Variants in SPINK13 observed in about 807,000 individuals in gnomAD.
SPINK13 encodes serine peptidase inhibitor Kazal type 13, also known as serine protease inhibitor Kazal-type 13.
A neutral mutation model predicts 11.0 loss-of-function variants in SPINK13; 11 were observed. The observed-to-expected ratio is 1.00, with a 90% CI of 0.63 to 1.65. The LOEUF is 1.65. Ranked by LOEUF, SPINK13 falls within the 40% of genes most tolerant of loss-of-function variation. The probability of loss-of-function intolerance (pLI) is 0.00; values close to 1 mark genes in which losing one functional copy is unlikely to be tolerated. For missense variants in SPINK13, 113 were observed against 117.7 expected (o/e 0.96, Z 0.19); for synonymous variants, 31 against 35.6 (o/e 0.87, Z 0.46).
At chr5:148,277,424 A>G (rs1756446679) in intron 3 of SPINK13, among the ~76,000 whole-genome samples, 1 of 152,144 alleles carries the variant, frequency 6.6e-6, no homozygotes, top group Non-Finnish European at 1.5e-5. Context: ...TGTCATAAAT[A>G]GCTCTTATTA....
intron 4 of SPINK13, 147 bp downstream of exon 4, chr5:148,282,378 C>T (rs1393438519): frequency 1.0e-6 from 1 of 956,096 alleles, no homozygotes; most frequent in Non-Finnish European, 1.5e-6. Flanking sequence ...GGACAGACTA[C>T]AGAGAGAGTG....
rs543238856 is a variant in SPINK13 at position 148,276,995 on chromosome 5, C to G, written c.108+2611C>G. On this transcript the variant is annotated intron_variant, in intron 3 of 4. Transcript: ENST00000398450. ...TCTCCTTGAAGAGGTCCTTCACATC[C>G]CTTGTAAGTTGTATTCCTAGGTATT... Among the ~76,000 whole-genome samples the G allele has an allele frequency of 4.9e-4, 75 of 152,214 alleles. No homozygotes were observed. In the Middle Eastern group the frequency reaches 0.01, roughly 21 times the overall value.
intron 3 of SPINK13, among the ~76,000 whole-genome samples, chr5:148,280,131 A>T (rs772202417): frequency 6.6e-6 from 1 of 152,030 alleles, no homozygotes; most frequent in Non-Finnish European, 1.5e-5. Context: ...TTTCATCTTC[A>T]TCAAGTCATT....
chr5:148,274,222 A>T, intron 2 of SPINK13, 125 bp from the exon 3 acceptor site: 1 of 583,384 alleles, frequency 1.7e-6, no homozygotes, highest in Admixed American at 2.9e-5. Flanking sequence ...ATTGCTATTA[A>T]AATTCTTTTG....
In SPINK13 at chr5:148,282,108, G is replaced by T; in HGVS notation, c.113G>T (p.Arg38Leu). 1 of 1,614,012 alleles carries T rather than the reference G, an allele frequency of 6.2e-7. No homozygotes were observed. Among genetic ancestry groups the T allele is most frequent in the Non-Finnish European group, 8.5e-7 (1 of 1,179,928 alleles). ...KRDFTRWPKP[R>L]CKMYIPLDPD... is the part of the protein sequence containing the mutation. ...TATGGTGTCATGTATTTGCAGCCCC[G>T]ATGTAAAATGTATATCCCACTGGAC... The change falls in exon 4 of 5, where the codon CGA becomes CTA. Residue 38 changes from arginine to leucine, a missense_variant. By Grantham distance (102) the Arg-to-Leu change is moderately radical. Transcript: ENST00000398450.
intron 3 of SPINK13, among the ~76,000 whole-genome samples, chr5:148,275,952 C>T (rs533389764): frequency 5.3e-5 from 8 of 152,158 alleles, no homozygotes; most frequent in African/African-American, 1.7e-4. Context: ...TGAGCCACTG[C>T]GCCCGACCTG....
intron 3 of SPINK13, among the ~76,000 whole-genome samples, chr5:148,276,145 GT>G (rs1161793795): frequency 1.3e-5 from 2 of 151,818 alleles, no homozygotes; most frequent in Non-Finnish European, 2.9e-5. Context: ...TGATGAGGTT[GT>G]TTTTTTCTTA....
chr5:148,284,326 T>C (rs1334574804), intron 4 of SPINK13, among the ~76,000 whole-genome samples: 4 of 151,672 alleles, frequency 2.6e-5, no homozygotes. Context: ...TTCCTCCCTC[T>C]CTCCCTCTTT....
At chr5:148,281,890 A>G (rs1285368355) in intron 3 of SPINK13, among the ~76,000 whole-genome samples, 1 of 152,218 alleles carries the variant, frequency 6.6e-6, no homozygotes, top group Admixed American at 6.5e-5. Context: ...GGATATTAAA[A>G]TGGTTATGAC....
chr5:148,278,063 A>C (rs751132768), intron 3 of SPINK13, among the ~76,000 whole-genome samples: 46 of 152,126 alleles, frequency 3.0e-4, no homozygotes, highest in Admixed American at 7.9e-4. Flanking sequence ...ATTTGCATAG[A>C]GATGTTTATA....
intron 4 of SPINK13, among the ~76,000 whole-genome samples, chr5:148,284,652 T>C (rs893353173): frequency 6.6e-6 from 1 of 152,210 alleles, no homozygotes; most frequent in African/African-American, 2.4e-5. Context: ...CTAATGCTCT[T>C]TTGAACAATA....
At chr5:148,280,340 G>C (rs939751702) in intron 3 of SPINK13, among the ~76,000 whole-genome samples, 3 of 152,104 alleles carry the variant, frequency 2.0e-5, no homozygotes, top group Non-Finnish European at 1.5e-5. Context: ...CCAAGGAGTT[G>C]TGATCCTTTG....
At chr5:148,270,474 GATAA>G (rs377681973) in intron 2 of SPINK13, among the ~76,000 whole-genome samples, 151 of 152,108 alleles carry the variant, frequency 9.9e-4, no homozygotes, top group African/African-American at 3.4e-3. Flanking sequence ...TTTCAAATAT[GATAA>G]ATGATATGAT....
chr5:148,279,113 T>TC (rs1352647306), intron 3 of SPINK13, among the ~76,000 whole-genome samples: 1 of 145,280 alleles, frequency 6.9e-6, no homozygotes, highest in Non-Finnish European at 1.5e-5. Context: ...TTTTTTTTTT[T>TC]TTTGCTTTCC....
At chr5:148,280,804 A>G (rs2113373284) in intron 3 of SPINK13, among the ~76,000 whole-genome samples, 1 of 152,330 alleles carries the variant, frequency 6.6e-6, no homozygotes, top group African/African-American at 2.4e-5. Flanking sequence ...AGCTGAGCTC[A>G]AGCACTGTGC....
chr5:148,278,817 A>T (rs1478973392), intron 3 of SPINK13, among the ~76,000 whole-genome samples: 1 of 152,180 alleles, frequency 6.6e-6, no homozygotes, highest in African/African-American at 2.4e-5. Flanking sequence ...CAAGTCCTAA[A>T]TATCCTTGTT....
Position 148,274,272 on chromosome 5 carries a change from T to G in SPINK13, c.71-75T>G, listed in dbSNP as rs891030943. On this transcript the variant is annotated intron_variant, in intron 2 of 4. Transcript: ENST00000398450. The stretch of plus-strand genomic sequence containing the variant: ...ATTCAATTTTACATTATTCAATCAG[T>G]GACTTCAGTAGGTGATGTTATATCC... 5.1e-6 allele frequency: 5 copies of G among 975,172 alleles called. No individual in the cohort carries two copies. The African/African-American group carries it at 8.2e-5, about 16-fold the overall frequency. The allele number at this position is 975,172 out of a possible 1,614,324, so 60.4% of individuals were successfully genotyped here.
intron 3 of SPINK13, among the ~76,000 whole-genome samples, chr5:148,276,448 T>G (rs910538764): frequency 1.3e-5 from 2 of 152,248 alleles, no homozygotes; most frequent in Non-Finnish European, 2.9e-5. Flanking sequence ...ATTTAAATCT[T>G]TAATCCATCT....
chr5:148,284,155 TTTCC>T (rs1212674111), intron 4 of SPINK13, among the ~76,000 whole-genome samples: 1 of 117,026 alleles, frequency 8.5e-6, no homozygotes, highest in Non-Finnish European at 1.5e-5. Flanking sequence ...TCCTTCCTTC[TTTCC>T]TTCCTTCCTT....
Sources: gnomAD v4.1 joint callset for allele counts (sites outside exome capture counted in the v4.1 genomes callset) on GRCh38, gnomAD v4.1.1 for gene constraint, MANE v1.5 for transcripts, NCBI Gene and HGNC (gene_info 2026-07-23, HGNC 2026-07-21) for gene names.